The following CAMKMT variants were observed in gnomAD, a reference collection of about 807,000 sequenced individuals.
CAMKMT encodes CaM KMT.
In CAMKMT, 53 loss-of-function variants were observed where a neutral mutation model predicts 48.0. The ratio of observed to expected loss-of-function variants is 1.10; its 90% CI spans 0.89 to 1.39. The LOEUF (loss-of-function observed/expected upper bound fraction) is 1.39, where lower values mean the gene tolerates loss of function less well. CAMKMT is among the 40% of genes most tolerant of loss of function. The pLI is 0.00. For missense variants in CAMKMT, 428 were observed against 402.7 expected, an observed-to-expected ratio of 1.06 and a Z score of -0.54; for synonymous variants, 165 against 152.3, an observed-to-expected ratio of 1.08 and a Z score of -0.61.
At chr2:44,487,589 A>G (rs775324921) in intron 3 of CAMKMT, among the ~76,000 whole-genome samples, 1 of 152,246 alleles carries the variant, frequency 6.6e-6, no homozygotes, top group Non-Finnish European at 1.5e-5. Flanking sequence ...TTTAATGACA[A>G]TGCCTAAACC....
intron 3 of CAMKMT, among the ~76,000 whole-genome samples, chr2:44,575,128 G>C (rs910174674): frequency 1.3e-5 from 2 of 151,272 alleles, no homozygotes; most frequent in Non-Finnish European, 3.0e-5. Flanking sequence ...ACCCAGGCTG[G>C]GGTGCAGTGG....
rs183007713 is a variant in CAMKMT, at chr2:44,445,134, C to T, written c.376+54829C>T. ...AATATTCATGGCATAAATGAGGTCCCGGGAACTCCAAGGCTACTGACAGTA... is the reference window on the plus strand; with the variant it reads ...AATATTCATGGCATAAATGAGGTCCTGGGAACTCCAAGGCTACTGACAGTA... On this transcript the variant is annotated intron_variant, in intron 3 of 10. Coordinates refer to ENST00000378494, the MANE Select transcript of CAMKMT (RefSeq NM_024766.5). Among the ~76,000 whole-genome samples the T allele has an allele frequency of 3.0e-4, 46 of 152,220 alleles. No individual in the cohort carries two copies. In the South Asian group the frequency reaches 8.5e-3, roughly 28 times the overall value.
chr2:44,566,180 A>G (rs950501402), intron 3 of CAMKMT, among the ~76,000 whole-genome samples: 1 of 152,230 alleles, frequency 6.6e-6, no homozygotes, highest in Non-Finnish European at 1.5e-5. Flanking sequence ...CTACTCTGGC[A>G]TGAATCATAA....
intron 3 of CAMKMT, among the ~76,000 whole-genome samples, chr2:44,523,318 A>T (rs1290342889): frequency 1.4e-5 from 2 of 138,512 alleles, no homozygotes; most frequent in African/African-American, 5.6e-5. Context: ...TTGGAGACAG[A>T]GTCTCACTCT....
chr2:44,669,494 T>G (rs1435550470), intron 3 of CAMKMT, among the ~76,000 whole-genome samples: 7 of 152,218 alleles, frequency 4.6e-5, no homozygotes, highest in Non-Finnish European at 1.0e-4. Flanking sequence ...AATTATCCTC[T>G]GAAGTGTTGT....
chr2:44,539,900 G>A (rs958502219), intron 3 of CAMKMT, among the ~76,000 whole-genome samples: 9 of 152,250 alleles, frequency 5.9e-5, no homozygotes, highest in African/African-American at 2.2e-4. Context: ...TGATGACAAA[G>A]GTGATGGCTT....
At chr2:44,562,735 A>G (rs931892040) in intron 3 of CAMKMT, among the ~76,000 whole-genome samples, 39 of 152,114 alleles carry the variant, frequency 2.6e-4, no homozygotes, top group Non-Finnish European at 1.5e-5. Context: ...TAATTCTTGT[A>G]TTTTTAGTAG....
intron 3 of CAMKMT, among the ~76,000 whole-genome samples, chr2:44,693,650 C>A (rs147208438): frequency 6.6e-6 from 1 of 152,318 alleles, no homozygotes; most frequent in Non-Finnish European, 1.5e-5. Context: ...ATTCTGTAGT[C>A]CTCTTGTGGA....
chr2:44,615,999 A>G (rs768827332), intron 3 of CAMKMT, among the ~76,000 whole-genome samples: 1 of 152,176 alleles, frequency 6.6e-6, no homozygotes. Flanking sequence ...TCCCTAGATC[A>G]GGGTGGAAAC....
chr2:44,362,609 T>C (rs1678033097), intron 1 of CAMKMT, among the ~76,000 whole-genome samples: 1 of 152,214 alleles, frequency 6.6e-6, no homozygotes, highest in Non-Finnish European at 1.5e-5. Context: ...ATGCCGGGAC[T>C]GAGACACGGC....
rs1248927737 is a variant in CAMKMT at position 44,769,095 on chromosome 2, G to GA, written c.894+2540dup. ...TTTCACCCCTCCTCTTACAACAGGG[G>GA]AAAAAATTAGTTACTTGGCAGTAGT... is the stretch of plus-strand genomic sequence containing the variant. On this transcript the variant is annotated intron_variant, in intron 10 of 10. Coordinates refer to ENST00000378494, the MANE Select transcript of CAMKMT (RefSeq NM_024766.5). 2.7e-5 allele frequency among the ~76,000 whole-genome samples: 4 copies of GA among 148,660 alleles called. No individual in the cohort carries two copies. The East Asian group carries it at 7.8e-4, about 29-fold the overall frequency.
chr2:44,592,679 A>C (rs1003156438), intron 3 of CAMKMT, among the ~76,000 whole-genome samples: 2 of 152,230 alleles, frequency 1.3e-5, no homozygotes, highest in African/African-American at 4.8e-5. Flanking sequence ...AGGAAAAAAC[A>C]TAGTATATAC....
At chr2:44,719,115 T>A (rs1169518394) in intron 7 of CAMKMT, among the ~76,000 whole-genome samples, 1 of 152,156 alleles carries the variant, frequency 6.6e-6, no homozygotes, top group African/African-American at 2.4e-5. Flanking sequence ...AGCTGCTGCC[T>A]CCTCTTTTGG....
At chr2:44,390,433 A>G (rs899630600) in intron 3 of CAMKMT, 128 bp downstream of exon 3, 12 of 587,794 alleles carry the variant, frequency 2.0e-5, no homozygotes, top group African/African-American at 1.8e-4. Context: ...ATATAATAGA[A>G]AGTTTGACTG....
chr2:44,712,588 A>G (rs1389282198), intron 6 of CAMKMT, among the ~76,000 whole-genome samples: 1 of 152,180 alleles, frequency 6.6e-6, no homozygotes, highest in Non-Finnish European at 1.5e-5. Context: ...AGCCACAAAC[A>G]TATATCCTGT....
chr2:44,414,722 A>G (rs1277725187), intron 3 of CAMKMT, among the ~76,000 whole-genome samples: 1 of 152,230 alleles, frequency 6.6e-6, no homozygotes, highest in African/African-American at 2.4e-5. Context: ...ATTGAGGACC[A>G]TCTTGGAGGC....
intron 3 of CAMKMT, among the ~76,000 whole-genome samples, chr2:44,635,317 T>C (rs1673064210): frequency 6.6e-6 from 1 of 152,182 alleles, no homozygotes; most frequent in African/African-American, 2.4e-5. Context: ...GTTATTGTTA[T>C]GAAAGCTACT....
intron 3 of CAMKMT, among the ~76,000 whole-genome samples, chr2:44,668,236 GA>G (rs1392130136): frequency 6.6e-6 from 1 of 152,070 alleles, no homozygotes; most frequent in Non-Finnish European, 1.5e-5. Flanking sequence ...CCCATCACTA[GA>G]GCCACCTGTC....
intron 3 of CAMKMT, among the ~76,000 whole-genome samples, chr2:44,527,336 A>T (rs1198248016): frequency 7.0e-6 from 1 of 143,850 alleles, no homozygotes; most frequent in Non-Finnish European, 1.5e-5. Context: ...TACATATATA[A>T]TACATATATA....
Sources: gnomAD v4.1 joint callset for allele counts (sites outside exome capture counted in the v4.1 genomes callset) on GRCh38, gnomAD v4.1.1 for gene constraint, MANE v1.5 for transcripts, NCBI Gene and HGNC (gene_info 2026-07-23, HGNC 2026-07-21) for gene names.